STK33: variants seen among roughly 807,000 people sequenced by gnomAD.
The protein encoded by STK33 is serine/threonine-protein kinase 33.
In STK33, 52 loss-of-function variants were observed where a neutral mutation model predicts 58.0. That is an observed-to-expected ratio of 0.90 (90% confidence interval 0.72 to 1.13). The LOEUF (loss-of-function observed/expected upper bound fraction) is 1.13, where lower values mean the gene tolerates loss of function less well. STK33 is among the 50% of genes most tolerant of loss of function. The pLI is 0.00. For missense variants in STK33, 630 were observed against 604.2 expected, an observed-to-expected ratio of 1.04 and a Z score of -0.45; for synonymous variants, 215 against 200.1, an observed-to-expected ratio of 1.07 and a Z score of -0.63.
At chr11:8,573,396 A>G (rs898291425) in intron 1 of STK33, among the ~76,000 whole-genome samples, 10 of 152,242 alleles carry the variant, frequency 6.6e-5, no homozygotes, top group Non-Finnish European at 1.3e-4. Context: ...AGTATCATCA[A>G]TCAGAAAGGC....
chr11:8,373,338 ACACTGCTGGGGGTGTGGAG>A, the STK33 span, among the ~76,000 whole-genome samples: 1 of 152,280 alleles, frequency 6.6e-6, no homozygotes, highest in Admixed American at 6.5e-5. Flanking sequence ...CTACAAAGTC[ACACTGCTGGGGGTGTGGAG>A]CCCTCATGGA....
At chr11:8,463,839 A>C (rs1947855065) in intron 7 of STK33, among the ~76,000 whole-genome samples, 1 of 152,130 alleles carries the variant, frequency 6.6e-6, no homozygotes, top group Non-Finnish European at 1.5e-5. Flanking sequence ...CCTAGCTAAC[A>C]CCAAAGGAGA....
At chr11:8,511,434 T>C (rs999745965) in intron 1 of STK33, among the ~76,000 whole-genome samples, 1 of 152,164 alleles carries the variant, frequency 6.6e-6, no homozygotes, top group Non-Finnish European at 1.5e-5. Context: ...CAGTGACAGT[T>C]TGACTTTCTC....
intron 1 of STK33, among the ~76,000 whole-genome samples, chr11:8,557,669 A>T (rs1362283995): frequency 6.6e-6 from 1 of 152,128 alleles, no homozygotes; most frequent in Non-Finnish European, 1.5e-5. Flanking sequence ...CATGTATATC[A>T]TGTTAGAACC....
chr11:8,535,251 A>C (rs1365404013), intron 1 of STK33, among the ~76,000 whole-genome samples: 2 of 152,162 alleles, frequency 1.3e-5, no homozygotes, highest in Non-Finnish European at 2.9e-5. Flanking sequence ...TGCACTTTAC[A>C]GGTTTAAGTT....
intron 14 of STK33, among the ~76,000 whole-genome samples, chr11:8,424,265 T>C (rs1942387860): frequency 6.6e-6 from 1 of 151,570 alleles, no homozygotes; most frequent in African/African-American, 2.4e-5. Flanking sequence ...TGCGATAGTT[T>C]GCTGAGAATG....
intron 1 of STK33, among the ~76,000 whole-genome samples, chr11:8,591,395 C>G (rs2032568545): frequency 6.6e-6 from 1 of 152,142 alleles, no homozygotes; most frequent in Admixed American, 6.5e-5. Context: ...GAAGGACTTT[C>G]TAAGCGTAAA....
chr11:8,548,017 TGGAG>T (rs1956060556), intron 1 of STK33, among the ~76,000 whole-genome samples: 1 of 65,756 alleles, frequency 1.5e-5, no homozygotes. Flanking sequence ...TGTTGTGGGG[TGGAG>T]GGAGGGGGGA....
At chr11:8,349,122 A>G in the STK33 span, among the ~76,000 whole-genome samples, 2 of 152,130 alleles carry the variant, frequency 1.3e-5, no homozygotes. Flanking sequence ...CCCACGGGTC[A>G]TTTCCACTTC....
chr11:8,421,218 C>T (rs566221207), intron 14 of STK33, among the ~76,000 whole-genome samples: 8 of 152,024 alleles, frequency 5.3e-5, no homozygotes, highest in Middle Eastern at 3.2e-3. Flanking sequence ...TCCTACACAC[C>T]CCAAGATGCA....
In STK33 at chr11:8,439,320, T is replaced by TATAATATTATAATA. The variant is rs1283175593; in HGVS notation, c.947+1357_947+1358insTATTATAATATTAT. ...GAAAACAGATACAATATATATAATA[T>TATAATATTATAATA]TATAATATGGTTTTTAAAAGCTTTA... On this transcript the variant is annotated intron_variant, in intron 12 of 15. Transcript: ENST00000687296. Among the ~76,000 whole-genome samples, 40 of 152,212 alleles carry TATAATATTATAATA rather than the reference T, an allele frequency of 2.6e-4. No individual in the cohort carries two copies. The East Asian group carries it at 7.7e-3, about 29-fold the overall frequency.
At chr11:8,455,850 T>C (rs1946800877) in intron 9 of STK33, among the ~76,000 whole-genome samples, 1 of 146,262 alleles carries the variant, frequency 6.8e-6, no homozygotes, top group African/African-American at 2.5e-5. Flanking sequence ...ACACACATAA[T>C]TGCTAGAGGA....
the STK33 span, among the ~76,000 whole-genome samples, chr11:8,351,633 C>A: frequency 6.6e-6 from 1 of 152,246 alleles, no homozygotes; most frequent in African/African-American, 2.4e-5. Context: ...GACTCTGTTC[C>A]CTGCTCTGGC....
chr11:8,526,754 AACAC>A (rs1009878466), intron 1 of STK33, among the ~76,000 whole-genome samples: 22 of 151,504 alleles, frequency 1.5e-4, no homozygotes, highest in Middle Eastern at 3.4e-3. Flanking sequence ...ATACACTAAA[AACAC>A]ACACACACAC....
At chr11:8,439,392 G>A (rs1944439006) in intron 12 of STK33, among the ~76,000 whole-genome samples, 1 of 152,088 alleles carries the variant, frequency 6.6e-6, no homozygotes, top group Admixed American at 6.5e-5. Flanking sequence ...ATTTACACAT[G>A]TGTAAACCTT....
Position 8,453,222 on chromosome 11 carries a change from A to G in STK33, c.787-316T>C, listed in dbSNP as rs1946488884. Among the ~76,000 whole-genome samples the G allele has an allele frequency of 1.3e-5, 2 of 152,168 alleles. 1 individual carries two copies. Among genetic ancestry groups the G allele is most frequent in the South Asian group, 4.1e-4 (2 of 4,830 alleles). On this transcript the variant is annotated intron_variant, in intron 10 of 15. Coordinates refer to ENST00000687296, the MANE Select transcript of STK33 (RefSeq NM_001352389.2). ...TTGAGGCATTTAATCTTTTTCATAT[A>G]AAAAAGGTATTTTTGTTTTTAAAAA...
chr11:8,561,976 G>A (rs748440700), intron 1 of STK33, among the ~76,000 whole-genome samples: 4 of 152,122 alleles, frequency 2.6e-5, no homozygotes, highest in African/African-American at 4.8e-5. Flanking sequence ...ACAAGGCACA[G>A]AACATGGCTG....
the STK33 span, among the ~76,000 whole-genome samples, chr11:8,336,244 A>G: frequency 1.3e-5 from 2 of 152,224 alleles, no homozygotes; most frequent in South Asian, 4.1e-4. Context: ...AGGAGGGCCA[A>G]TGGAGACAAC....
At chr11:8,437,953 CA>C (rs1944286909) in intron 12 of STK33, among the ~76,000 whole-genome samples, 2 of 152,096 alleles carry the variant, frequency 1.3e-5, no homozygotes, top group Admixed American at 6.6e-5. Flanking sequence ...TTTTAAAATG[CA>C]ATTTAAAAAG....
Sources: gnomAD v4.1 joint callset for allele counts (sites outside exome capture counted in the v4.1 genomes callset) on GRCh38, gnomAD v4.1.1 for gene constraint, MANE v1.5 for transcripts, NCBI Gene and HGNC (gene_info 2026-07-23, HGNC 2026-07-21) for gene names.